SLC25A26: variants seen among roughly 807,000 people sequenced by gnomAD.
SLC25A26 encodes solute carrier family 25 member 26.
A neutral mutation model predicts 37.8 loss-of-function variants in SLC25A26; 36 were observed. The ratio of observed to expected loss-of-function variants is 0.95; its 90% CI spans 0.73 to 1.26. The LOEUF is 1.26. Ranked by LOEUF, SLC25A26 falls within the 50% of genes most tolerant of loss-of-function variation. SLC25A26 has a pLI of 0.00. For synonymous variants in SLC25A26, 129 were observed against 122.5 expected, an observed-to-expected ratio of 1.05 and a Z score of -0.35; for missense variants, 390 against 331.1, an observed-to-expected ratio of 1.18 and a Z score of -1.38.
At chr3:66,325,822 G>T (rs371095666) in intron 5 of SLC25A26, among the ~76,000 whole-genome samples, 5 of 152,162 alleles carry the variant, frequency 3.3e-5, no homozygotes, top group Admixed American at 2.6e-4. Flanking sequence ...ATCACTGAAG[G>T]TTTTATAAAC....
intron 5 of SLC25A26, among the ~76,000 whole-genome samples, chr3:66,317,668 C>G (rs1377592111): frequency 2.0e-5 from 3 of 152,172 alleles, no homozygotes; most frequent in Admixed American, 6.5e-5. Flanking sequence ...TGGGGAATCC[C>G]CCTCATCCAG....
intron 1 of SLC25A26, among the ~76,000 whole-genome samples, chr3:66,175,319 G>C (rs578207433): frequency 6.6e-6 from 1 of 151,834 alleles, no homozygotes; most frequent in Non-Finnish European, 1.5e-5. Context: ...CCATCTCCCA[G>C]GTTCAAGTGA....
chr3:66,361,228 C>T (rs750687620), intron 6 of SLC25A26, among the ~76,000 whole-genome samples: 17 of 152,052 alleles, frequency 1.1e-4, no homozygotes, highest in Non-Finnish European at 2.5e-4. Context: ...CATATTGTAC[C>T]ATATATAAAA....
At chr3:66,238,677 A>G (rs1005643055) in intron 2 of SLC25A26, among the ~76,000 whole-genome samples, 2 of 152,148 alleles carry the variant, frequency 1.3e-5, no homozygotes, top group Non-Finnish European at 2.9e-5. Flanking sequence ...TGTTTTATAT[A>G]CTGTATTCTT....
rs114686388 is a variant in SLC25A26, at chr3:66,269,191, G to C, written c.453+5812G>C. ...TTTACAGCAGTTCTAAAAGGCGGCTGTGATAGCAGTATAGCCTGCTAGGAG... is the reference window on the plus strand; with the variant it reads ...TTTACAGCAGTTCTAAAAGGCGGCTCTGATAGCAGTATAGCCTGCTAGGAG... On this transcript the variant is annotated intron_variant, in intron 5 of 9. Coordinates refer to ENST00000354883, the MANE Select transcript of SLC25A26 (RefSeq NM_001379210.1). Among the ~76,000 whole-genome samples, 488 of 152,326 alleles carry C rather than the reference G, an allele frequency of 3.2e-3. 1 individual carries two copies. Among genetic ancestry groups the C allele is most frequent in the African/African-American group, 0.011 (463 of 41,568 alleles).
At chr3:66,353,705 C>T (rs986853088) in intron 6 of SLC25A26, among the ~76,000 whole-genome samples, 4 of 152,170 alleles carry the variant, frequency 2.6e-5, no homozygotes, top group South Asian at 2.1e-4. Context: ...CCCCAGTATC[C>T]GTTGAATCTG....
At chr3:66,302,912 A>C (rs1345959596) in intron 5 of SLC25A26, among the ~76,000 whole-genome samples, 2 of 152,182 alleles carry the variant, frequency 1.3e-5, no homozygotes, top group African/African-American at 4.8e-5. Flanking sequence ...GGGAGTCAGC[A>C]GGGATAAAGA....
chr3:66,327,945 G>A (rs1158477580), intron 5 of SLC25A26, among the ~76,000 whole-genome samples: 1 of 151,822 alleles, frequency 6.6e-6, no homozygotes, highest in East Asian at 1.9e-4. Flanking sequence ...AGGAGTGGCG[G>A]AATTGGAAAA....
At chr3:66,159,189 C>T (rs373563837) in intron 1 of SLC25A26, among the ~76,000 whole-genome samples, 4 of 152,194 alleles carry the variant, frequency 2.6e-5, no homozygotes, top group South Asian at 4.1e-4. Flanking sequence ...ACCCACAGGC[C>T]GGCAAACACT....
intron 1 of SLC25A26, among the ~76,000 whole-genome samples, chr3:66,152,464 A>T (rs2070221762): frequency 6.6e-6 from 1 of 152,190 alleles, no homozygotes; most frequent in Non-Finnish European, 1.5e-5. Context: ...AATTTCACCA[A>T]GTCTCCAGCT....
At chr3:66,274,790 T>C (rs886705536) in intron 5 of SLC25A26, among the ~76,000 whole-genome samples, 1 of 152,084 alleles carries the variant, frequency 6.6e-6, no homozygotes, top group Non-Finnish European at 1.5e-5. Flanking sequence ...GGAACACTTT[T>C]ACACTGTTGG....
At chr3:66,281,095 G>A (rs376485140) in intron 5 of SLC25A26, among the ~76,000 whole-genome samples, 1 of 152,086 alleles carries the variant, frequency 6.6e-6, no homozygotes, top group African/African-American at 2.4e-5. Context: ...ATAGACTTTT[G>A]TAGAGTCCGA....
chr3:66,189,843 T>A (rs955473846), intron 1 of SLC25A26, among the ~76,000 whole-genome samples: 206 of 152,000 alleles, frequency 1.4e-3, no homozygotes, highest in African/African-American at 4.1e-3. Flanking sequence ...TTTTTTTTTT[T>A]AAATAGAGAC....
chr3:66,297,536 G>T (rs953821024), intron 5 of SLC25A26, among the ~76,000 whole-genome samples: 1 of 152,112 alleles, frequency 6.6e-6, no homozygotes, highest in South Asian at 2.1e-4. Context: ...TCTAGTTGCA[G>T]TTTTGCCACT....
chr3:66,206,667 A>ACATATTTG (rs1404756975), intron 1 of SLC25A26, among the ~76,000 whole-genome samples: 23 of 151,878 alleles, frequency 1.5e-4, no homozygotes, highest in Non-Finnish European at 3.1e-4. Context: ...ATTTCAGTTA[A>ACATATTTG]CATATTTGCA....
chr3:66,269,652 A>G (rs2073885379), intron 5 of SLC25A26, among the ~76,000 whole-genome samples: 1 of 152,190 alleles, frequency 6.6e-6, no homozygotes, highest in South Asian at 2.1e-4. Flanking sequence ...TATCGCCAGA[A>G]CTTCTGTTGC....
chr3:66,324,799 T>TTC (rs1379937543), intron 5 of SLC25A26, among the ~76,000 whole-genome samples: 1 of 136,788 alleles, frequency 7.3e-6, no homozygotes, highest in Non-Finnish European at 1.7e-5. Context: ...AAGCACAGGT[T>TTC]TTTTTTTTTG....
intron 1 of SLC25A26, among the ~76,000 whole-genome samples, chr3:66,171,366 C>T (rs554804568): frequency 3.0e-4 from 45 of 152,278 alleles, no homozygotes; most frequent in Admixed American, 2.4e-3. Flanking sequence ...TCGTTCTAGT[C>T]GGGTTCTCCA....
chr3:66,192,247 C>T (rs986095033), intron 1 of SLC25A26, among the ~76,000 whole-genome samples: 18 of 138,014 alleles, frequency 1.3e-4, no homozygotes, highest in Admixed American at 8.3e-5. Flanking sequence ...ACCTGGGAGG[C>T]GGAGGTTGCA....
Sources: gnomAD v4.1 joint callset for allele counts (sites outside exome capture counted in the v4.1 genomes callset) on GRCh38, gnomAD v4.1.1 for gene constraint, MANE v1.5 for transcripts, NCBI Gene and HGNC (gene_info 2026-07-23, HGNC 2026-07-21) for gene names.